Variants in MCM7 observed in about 807,000 individuals in gnomAD.
MCM7 encodes minichromosome maintenance complex component 7, also known as DNA replication licensing factor MCM7.
MCM7 carries 95 observed loss-of-function variants against 83.5 expected under a neutral mutation model. That is an observed-to-expected ratio of 1.14 (90% CI 0.96 to 1.35). The LOEUF (loss-of-function observed/expected upper bound fraction) is 1.35. Ranked by LOEUF, MCM7 falls within the 40% of genes most tolerant of loss-of-function variation. The pLI, the probability that MCM7 is intolerant of heterozygous loss-of-function variation, is 0.00. For synonymous variants in MCM7, 461 were observed against 352.7 expected, an observed-to-expected ratio of 1.31 and a Z score of -3.44; for missense variants, 1,087 against 957.4, an observed-to-expected ratio of 1.14 and a Z score of -1.79.
intron 11 of MCM7, 106 bp from the exon 12 acceptor site, chr7:100,095,576 G>A (rs1795583756): frequency 1.5e-6 from 2 of 1,316,724 alleles, no homozygotes; most frequent in Non-Finnish European, 2.1e-6. Flanking sequence ...GTGTAGGAGG[G>A]ACAAGCTTTC....
At chr7:100,098,031 C>T (rs181237572) in intron 7 of MCM7, 83 bp from the exon 8 acceptor site, 283 of 1,579,448 alleles carry the variant, frequency 1.8e-4, no homozygotes, top group Middle Eastern at 3.3e-4. Flanking sequence ...CTTGACAAAT[C>T]CCTGGGTTCT....
chr7:100,095,510 G>A (rs1415048105), intron 11 of MCM7, 40 bp from the exon 12 acceptor site: 3 of 1,585,688 alleles, frequency 1.9e-6, no homozygotes, highest in Middle Eastern at 3.4e-4. Flanking sequence ...CCTTTTTAGG[G>A]CTACGCACCC....
chr7:100,097,563 T>G (rs1199211535), intron 9 of MCM7, 51 bp downstream of exon 9: 2 of 1,611,328 alleles, frequency 1.2e-6, no homozygotes, highest in Admixed American at 1.7e-5. Context: ...CATCCTTTTT[T>G]CCTCCTAAAT....
chr7:100,099,624 C>A lies in MCM7; in HGVS notation c.241G>T (p.Val81Leu). Residue 81 changes from valine to leucine, a missense_variant, in exon 3 of 15, where the codon GTA becomes TTA. By Grantham distance (32) the Val-to-Leu change is conservative (BLOSUM62 1). Coordinates refer to ENST00000303887, the MANE Select transcript of MCM7 (RefSeq NM_005916.5). ...TTGTACTGAGGCAGCAGCTCTTGTA[C>A]GGCATCAGCAAAGAGCTTCGCGTAG... ...RRYAKLFADA[V>L]QELLPQYKER... The A allele has an allele frequency of 1.2e-6, 2 of 1,614,064 alleles. No homozygotes were observed. Among genetic ancestry groups the A allele is most frequent in the Non-Finnish European group, 8.5e-7 (1 of 1,180,032 alleles).
chr7:100,093,127 C>A lies in MCM7; in HGVS notation c.1965G>T (p.Gln655His). 1 of 1,613,800 alleles carries A rather than the reference C, an allele frequency of 6.2e-7. No homozygotes were observed. Among genetic ancestry groups the A allele is most frequent in the South Asian group, 1.1e-5 (1 of 91,038 alleles). The change falls in exon 15 of 15, where the codon CAG becomes CAT. Residue 655 changes from glutamine (Q) to histidine (H), a missense_variant. By Grantham distance (24) the Gln-to-His change is conservative. Coordinates refer to ENST00000303887, the MANE Select transcript of MCM7 (RefSeq NM_005916.5). ...TGGCAAATATCACATCTGCTGGTCT[C>A]TGAGTCCTGAAGGAAATGAGTGGGT... ...LGDKGQTART[Q>H]RPADVIFATV...
chr7:100,098,317 T>G, intron 6 of MCM7, 27 bp from the exon 7 acceptor site: 1 of 1,611,398 alleles, frequency 6.2e-7, no homozygotes, highest in Non-Finnish European at 8.5e-7. Flanking sequence ...CACATAAGAC[T>G]AGGAGAAATG....
At chr7:100,094,005 G>A (rs768763909) in intron 13 of MCM7, 168 bp downstream of exon 13, 1 of 888,658 alleles carries the variant, frequency 1.1e-6, no homozygotes, top group Non-Finnish European at 1.9e-6. Flanking sequence ...TGCTGGAGCA[G>A]CAAGTACCCA....
In MCM7 at chr7:100,094,180, G is replaced by A. The variant is rs1196928816; in HGVS notation, c.1841C>T (p.Thr614Ile). ...AGCAATTTGGGCACTTACCAGAGCAGTGGAAAGGCGCAGGATAGCCAGCAG... is the reference window on the plus strand; with the variant it reads ...AGCAATTTGGGCACTTACCAGAGCAATGGAAAGGCGCAGGATAGCCAGCAG... ...RTLLAILRLS[T>I]ALARLRMVDV... The change falls in exon 13 of 15, where the codon ACT becomes ATT. Residue 614 changes from threonine (T) to isoleucine (I), a missense_variant. Coordinates refer to ENST00000303887, the MANE Select transcript of MCM7 (RefSeq NM_005916.5). 2 of 1,614,216 alleles carry A rather than the reference G, an allele frequency of 1.2e-6. No homozygotes were observed. The highest frequency in any genetic ancestry group is 1.7e-5 in the Admixed American group (1 of 60,030).
At chr7:100,099,849 G>A (rs1795856734) in intron 2 of MCM7, 96 bp from the exon 3 acceptor site, 1 of 1,529,766 alleles carries the variant, frequency 6.5e-7, no homozygotes, top group East Asian at 2.3e-5. Context: ...CTCAGCACAG[G>A]CTCTGGGCAT....
At chr7:100,101,052 G>A (rs1203468643) in intron 1 of MCM7, 1 of 713,636 alleles carries the variant, frequency 1.4e-6, no homozygotes, top group African/African-American at 1.8e-5. Flanking sequence ...CCTTTACCAG[G>A]TGGGATTACT....
intron 1 of MCM7, chr7:100,100,933 G>A: frequency 3.9e-6 from 4 of 1,016,148 alleles, no homozygotes; most frequent in Non-Finnish European, 5.0e-6. Context: ...AGCGGGCACG[G>A]GAGCCCAGAG....
At chr7:100,097,776 T>C (rs1179770596) in intron 8 of MCM7, 31 bp from the exon 9 acceptor site, 2 of 1,614,070 alleles carry the variant, frequency 1.2e-6, no homozygotes, top group East Asian at 2.2e-5. Context: ...TTTTATTTTC[T>C]GGGGGAAAAG....
Position 100,099,100 on chromosome 7 carries a change from G to T in MCM7, c.505C>A (p.Arg169Ser). 2 of 1,614,076 alleles carry T rather than the reference G, an allele frequency of 1.2e-6. No individual in the cohort carries two copies. Among genetic ancestry groups the T allele is most frequent in the Non-Finnish European group, 1.7e-6 (2 of 1,180,016 alleles). Reference protein sequence around the residue: ...KLVTVRGIVTRVSEVKPKMVV... With the variant: ...KLVTVRGIVTSVSEVKPKMVV... ...ATCTTGGGTTTGACTTCAGAGACAC[G>T]AGTGACGATTCCACGCACAGTTACC... Residue 169 changes from arginine to serine, a missense_variant, in exon 5 of 15, where the codon CGT becomes AGT. By Grantham distance (110) the Arg-to-Ser change is moderately radical. Transcript: ENST00000303887.
At chr7:100,097,211 G>A (rs1260014578) in intron 10 of MCM7, 90 bp downstream of exon 10, 7 of 1,132,636 alleles carry the variant, frequency 6.2e-6, no homozygotes, top group Non-Finnish European at 9.2e-6. Context: ...GGGATTACAG[G>A]CGTGAGCAAA....
At position 100,100,100 on chromosome 7, in the gene MCM7, CAT is replaced by C; in HGVS notation, c.32-9_32-8del. The C allele has an allele frequency of 6.2e-7, 1 of 1,613,506 alleles. No homozygotes were observed. On this transcript the variant is annotated splice_polypyrimidine_tract_variant and splice_region_variant and intron_variant, in intron 1 of 14. Coordinates refer to ENST00000303887, the MANE Select transcript of MCM7 (RefSeq NM_005916.5). The stretch of plus-strand genomic sequence containing the variant: ...AAGAACTTCTTAACCTTTTCTGTAA[CAT>C]GAAATGTAAAACCGTAAGACACAAA...
intron 6 of MCM7, 98 bp downstream of exon 6, chr7:100,098,480 C>T (rs1413516513): frequency 1.3e-6 from 2 of 1,567,848 alleles, no homozygotes; most frequent in Admixed American, 3.5e-5. Context: ...CTGCACTTCC[C>T]TCTTTTGTTC....
intron 10 of MCM7, 37 bp from the exon 11 acceptor site, chr7:100,096,204 G>T: frequency 2.0e-6 from 3 of 1,520,960 alleles, no homozygotes; most frequent in South Asian, 2.6e-5. Flanking sequence ...GAGAGAGAAA[G>T]AACAAGAAAG....
In MCM7 at chr7:100,092,870, C is replaced by T; in HGVS notation, c.*62G>A. The T allele has an allele frequency of 3.2e-6, 5 of 1,577,602 alleles. No homozygotes were observed. Among genetic ancestry groups the T allele is most frequent in the Non-Finnish European group, 4.4e-6 (5 of 1,147,518 alleles). The stretch of plus-strand genomic sequence containing the variant: ...TCCTTCCCCTCAAAGGCATCACTGC[C>T]CCTTCCCAAGGGGCAGGCCAGCAGG... On this transcript the variant is annotated 3_prime_UTR_variant, in exon 15 of 15. Transcript: ENST00000303887.
chr7:100,099,279 A>G lies in MCM7; in HGVS notation c.401T>C (p.Phe134Ser), dbSNP rs1002360932. Residue 134 changes from phenylalanine to serine, a missense_variant and splice_region_variant, in exon 4 of 15, where the codon TTT (phenylalanine) becomes TCT (serine). Physicochemically the swap from Phe to Ser is radical, Grantham distance 155 (BLOSUM62 -2). Coordinates refer to ENST00000303887, the MANE Select transcript of MCM7 (RefSeq NM_005916.5). ...NQYPAELMRR[F>S]ELYFQGPSSN... The stretch of plus-strand genomic sequence containing the variant: ...ATCTTTCCCGACAGAGACCACTCAC[A>G]ATCTGCGCATGAGTTCAGCAGGGTA... 7 of 1,613,998 alleles carry G rather than the reference A, an allele frequency of 4.3e-6. No homozygotes were observed. In the East Asian group the frequency reaches 8.9e-5, roughly 21 times the overall value.
Sources: allele counts gnomAD v4.1 joint callset, GRCh38; gene constraint gnomAD v4.1.1; transcripts MANE v1.5; gene names NCBI Gene and HGNC (gene_info 2026-07-23, HGNC 2026-07-21).